DISC1: variants seen among roughly 807,000 people sequenced by gnomAD.
DISC1 encodes disrupted in schizophrenia 1 protein.
DISC1 carries 57 observed loss-of-function variants against 84.5 expected under a neutral mutation model. The observed-to-expected ratio is 0.67, with a 90% CI of 0.55 to 0.84. The LOEUF (loss-of-function observed/expected upper bound fraction) is 0.84. Ranked by LOEUF, DISC1 falls within the 40% of genes least tolerant of loss-of-function variation. The probability of loss-of-function intolerance (pLI) is 0.00; values close to 1 mark genes in which losing one functional copy is unlikely to be tolerated. For missense variants in DISC1, 1,000 were observed against 1,057.8 expected (o/e 0.95, Z 0.76); for synonymous variants, 411 against 415.2 (o/e 0.99, Z 0.12).
intron 4 of DISC1, among the ~76,000 whole-genome samples, chr1:231,753,035 A>T (rs191051330): frequency 1.4e-3 from 209 of 152,326 alleles, no homozygotes; most frequent in African/African-American, 4.7e-3. Context: ...AGCTGCTCTC[A>T]CAGGCTGGCA....
chr1:231,675,851 CTTTTTT>C lies in DISC1; in HGVS notation c.68-17964_68-17959del, dbSNP rs201559788. Among the ~76,000 whole-genome samples, 2 of 137,670 alleles carry C rather than the reference CTTTTTT, an allele frequency of 1.5e-5. No individual in the cohort carries two copies. Among genetic ancestry groups the C allele is most frequent in the African/African-American group, 2.7e-5 (1 of 37,404 alleles). 90.3% of individuals were successfully genotyped at this position (137,670 alleles called of 152,430 possible). A position where few individuals can be genotyped will look rare whatever the true frequency, so the allele number is the denominator to read the frequency against. On this transcript the variant is annotated intron_variant, in intron 1 of 12. Coordinates refer to ENST00000439617, the MANE Select transcript of DISC1 (RefSeq NM_018662.3). The surrounding 1 kb of genome is among the most constrained non-coding windows in gnomAD (Gnocchi z 4.1). ...GTATATTGTATTTGTTTTTTCTTTT[CTTTTTT>C]TTTTTTTTTTGACACAGAATTCCCA...
At chr1:231,976,401 T>C (rs1455962602) in intron 10 of DISC1, among the ~76,000 whole-genome samples, 1 of 152,208 alleles carries the variant, frequency 6.6e-6, no homozygotes, top group Non-Finnish European at 1.5e-5. Flanking sequence ...CAGTCACCGC[T>C]AATGTGTTCC....
chr1:231,973,204 G>A lies in DISC1; in HGVS notation c.2042+14316G>A, dbSNP rs188217254. 9.2e-5 allele frequency among the ~76,000 whole-genome samples: 14 copies of A among 152,082 alleles called. No individual in the cohort carries two copies. In the East Asian group the frequency reaches 2.3e-3, roughly 25 times the overall value. On this transcript the variant is annotated intron_variant, in intron 10 of 12. Coordinates refer to ENST00000439617, the MANE Select transcript of DISC1 (RefSeq NM_018662.3). The stretch of plus-strand genomic sequence containing the variant: ...TGGGACTACAGGCGTGCGCCACCAC[G>A]CCTGGCTAATCTTTGTATTTTTAAG...
intron 10 of DISC1, chr1:231,959,608 A>G: frequency 1.5e-6 from 1 of 665,028 alleles, no homozygotes; most frequent in Non-Finnish European, 1.9e-6. Context: ...TTTGTCTGCT[A>G]GGACGCTGTC....
chr1:232,016,336 C>A (rs374272161), intron 11 of DISC1, among the ~76,000 whole-genome samples: 1 of 152,182 alleles, frequency 6.6e-6, no homozygotes, highest in East Asian at 1.9e-4. Context: ...ATCCCTCAAA[C>A]CACTTTTCAT....
intron 10 of DISC1, among the ~76,000 whole-genome samples, chr1:231,964,798 G>T (rs1473365721): frequency 6.6e-6 from 1 of 152,212 alleles, no homozygotes; most frequent in Non-Finnish European, 1.5e-5. Flanking sequence ...GTGACTGCTT[G>T]ATTAACATCT....
intron 8 of DISC1, among the ~76,000 whole-genome samples, chr1:231,800,776 T>C (rs943829786): frequency 1.3e-5 from 2 of 152,136 alleles, no homozygotes; most frequent in African/African-American, 4.8e-5. Flanking sequence ...TCACAATTGC[T>C]ATATTAGGTA....
chr1:231,930,092 C>G (rs1180732397), intron 9 of DISC1, among the ~76,000 whole-genome samples: 5 of 152,172 alleles, frequency 3.3e-5, no homozygotes, highest in Non-Finnish European at 1.5e-5. Flanking sequence ...ATCAACCAGG[C>G]TCTCACTAAC....
chr1:231,722,744 T>C, intron 3 of DISC1: 1 of 1,523,542 alleles, frequency 6.6e-7, no homozygotes, highest in Non-Finnish European at 8.8e-7. Flanking sequence ...ATCATATTCC[T>C]CTCCCTTTTA....
At chr1:231,935,286 A>G (rs1029003630) in intron 9 of DISC1, among the ~76,000 whole-genome samples, 1 of 152,142 alleles carries the variant, frequency 6.6e-6, no homozygotes, top group Non-Finnish European at 1.5e-5. Context: ...CAACAATCTC[A>G]TATATACAAA....
At chr1:231,987,424 G>A (rs1664608232) in intron 10 of DISC1, among the ~76,000 whole-genome samples, 1 of 152,248 alleles carries the variant, frequency 6.6e-6, no homozygotes. Context: ...CTTGCTGCCA[G>A]CAGTCTCCAA....
At position 231,723,014 on chromosome 1, in the gene DISC1, AG is replaced by A. The variant is rs577200793; in HGVS notation, c.1117+20992del. 732 of 1,109,524 alleles carry A rather than the reference AG, an allele frequency of 6.6e-4. 9 individuals carry two copies. The African/African-American group carries it at 0.011, about 17-fold the overall frequency. The allele number at this position is 1,109,524 out of a possible 1,614,324, so 68.7% of individuals were successfully genotyped here. Reference sequence around the variant, plus strand: ...TCGGAGGCCTTTAGGACAATTATGAAGGAATCATTTTCCCCTTGGTGGCAAT... The same window carrying A: ...TCGGAGGCCTTTAGGACAATTATGAAGAATCATTTTCCCCTTGGTGGCAAT... On this transcript the variant is annotated intron_variant, in intron 3 of 12. Coordinates refer to ENST00000439617, the MANE Select transcript of DISC1 (RefSeq NM_018662.3).
At chr1:231,818,857 G>C in intron 9 of DISC1, 1 of 1,112,862 alleles carries the variant, frequency 9.0e-7, no homozygotes, top group Non-Finnish European at 1.1e-6. Flanking sequence ...TTTGTCCCTT[G>C]GCTCCGTCTC....
intron 9 of DISC1, among the ~76,000 whole-genome samples, chr1:231,848,253 C>T (rs2083605502): frequency 6.6e-6 from 1 of 152,164 alleles, no homozygotes; most frequent in South Asian, 2.1e-4. Flanking sequence ...CAGCATCAAA[C>T]TGCGCCACTA....
chr1:231,634,731 G>T (rs2059043667), intron 1 of DISC1, among the ~76,000 whole-genome samples: 1 of 152,140 alleles, frequency 6.6e-6, no homozygotes, highest in Non-Finnish European at 1.5e-5. Context: ...ACAGTACAGT[G>T]TTGTACATTG....
chr1:231,882,239 A>G (rs17820909), intron 9 of DISC1, among the ~76,000 whole-genome samples: 8,523 of 152,292 alleles, frequency 0.056, 327 homozygotes, highest in Admixed American at 0.077. Flanking sequence ...ATAGCAAGGG[A>G]AGAGATAATC....
intron 10 of DISC1, among the ~76,000 whole-genome samples, chr1:231,980,400 C>G (rs1321505711): frequency 6.6e-6 from 1 of 152,130 alleles, no homozygotes; most frequent in Admixed American, 6.5e-5. Flanking sequence ...TTAGATTTTT[C>G]AGGGGTGTGT....
chr1:231,635,557 T>A (rs1196039642), intron 1 of DISC1, among the ~76,000 whole-genome samples: 2 of 152,226 alleles, frequency 1.3e-5, no homozygotes, highest in Non-Finnish European at 2.9e-5. Flanking sequence ...AGGTTTCAGT[T>A]CTGGTTTATC....
At chr1:231,820,645 T>C (rs1346505755) in intron 9 of DISC1, among the ~76,000 whole-genome samples, 2 of 152,100 alleles carry the variant, frequency 1.3e-5, no homozygotes, top group Non-Finnish European at 2.9e-5. Context: ...CATGTGCCAT[T>C]CAGTCCAACC....
Sources: allele counts gnomAD v4.1 joint callset (sites outside exome capture counted in the v4.1 genomes callset), GRCh38; gene constraint gnomAD v4.1.1; non-coding constraint Gnocchi (gnomAD v3.1); transcripts MANE v1.5; gene names NCBI Gene and HGNC (gene_info 2026-07-23, HGNC 2026-07-21).